Variants in ERC2 observed in about 807,000 individuals in gnomAD.
ERC2 encodes ELKS/RAB6-interacting/CAST family member 2, also known as ERC protein 2.
A neutral mutation model predicts 114.8 loss-of-function variants in ERC2; 42 were observed. That is an observed-to-expected ratio of 0.37 (90% CI 0.29 to 0.47). The LOEUF is 0.47. Among genes scored for constraint, ERC2 ranks in the 20% least tolerant of loss-of-function variants. ERC2 has a pLI of 0.99. For synonymous variants in ERC2, 454 were observed against 425.5 expected, an observed-to-expected ratio of 1.07 and a Z score of -0.82; for missense variants, 939 against 1,150.7, an observed-to-expected ratio of 0.82 and a Z score of 2.66.
In ERC2 at chr3:56,095,285, G is replaced by T. The variant is rs535897662; in HGVS notation, c.1474-14301C>A. Among the ~76,000 whole-genome samples, 74 of 151,954 alleles carry T rather than the reference G, an allele frequency of 4.9e-4. 2 individuals are homozygous for T. The South Asian group carries it at 0.011, about 24-fold the overall frequency. ...AAAAAATTTTAAAAAGAAAATATGG[G>T]GGCCCTTCTTTTTATTCATAGGGTA... is the stretch of plus-strand genomic sequence containing the variant. On this transcript the variant is annotated intron_variant, in intron 6 of 17. Coordinates refer to ENST00000288221, the MANE Select transcript of ERC2 (RefSeq NM_015576.3).
chr3:55,818,746 T>C (rs1391731377), intron 14 of ERC2, among the ~76,000 whole-genome samples: 1 of 152,224 alleles, frequency 6.6e-6, no homozygotes, highest in Non-Finnish European at 1.5e-5. Context: ...CATTCACCAA[T>C]TGTTAGAAAT....
At chr3:55,762,237 T>C (rs1307537050) in intron 14 of ERC2, among the ~76,000 whole-genome samples, 2 of 152,136 alleles carry the variant, frequency 1.3e-5, no homozygotes, top group Non-Finnish European at 2.9e-5. Flanking sequence ...CTGAGTTAAA[T>C]AATCGGATTT....
chr3:56,000,811 CAG>C (rs2071987562), intron 10 of ERC2, among the ~76,000 whole-genome samples: 1 of 151,372 alleles, frequency 6.6e-6, no homozygotes, highest in South Asian at 2.1e-4. Context: ...TCAGCAACTC[CAG>C]AGGCTGAGGC....
At chr3:56,437,482 T>G (rs1304517993) in intron 1 of ERC2, among the ~76,000 whole-genome samples, 1 of 152,240 alleles carries the variant, frequency 6.6e-6, no homozygotes, top group Non-Finnish European at 1.5e-5. Flanking sequence ...TCTATAAATT[T>G]CCTTTTTGCT....
chr3:56,216,209 A>G (rs13094983), intron 3 of ERC2, among the ~76,000 whole-genome samples: 122,125 of 152,146 alleles, frequency 0.8, 50,925 homozygotes, highest in South Asian at 0.95. Flanking sequence ...CCAGGAGCTG[A>G]CTTTTTGAAA....
intron 17 of ERC2, among the ~76,000 whole-genome samples, chr3:55,529,005 C>T (rs9819428): frequency 0.014 from 2,135 of 152,258 alleles, 53 homozygotes; most frequent in African/African-American, 0.048. Flanking sequence ...AGGTTGCAAT[C>T]AAGTATGGGA....
intron 14 of ERC2, among the ~76,000 whole-genome samples, chr3:55,792,569 T>C (rs1228734585): frequency 6.6e-6 from 1 of 152,192 alleles, no homozygotes; most frequent in African/African-American, 2.4e-5. Flanking sequence ...TTCCTTTTGA[T>C]TTCCATTTGT....
chr3:55,761,862 C>T (rs1363013188), intron 14 of ERC2, among the ~76,000 whole-genome samples: 3 of 143,070 alleles, frequency 2.1e-5, no homozygotes, highest in Admixed American at 7.3e-5. Flanking sequence ...GGCGAAGGAG[C>T]GAGACTCCGT....
At chr3:55,979,604 C>T (rs995755219) in intron 12 of ERC2, among the ~76,000 whole-genome samples, 4 of 152,062 alleles carry the variant, frequency 2.6e-5, no homozygotes, top group African/African-American at 7.2e-5. Context: ...CCGTATATGC[C>T]AGTAAGAGAG....
At chr3:56,462,336 C>T (rs115847455) in intron 1 of ERC2, among the ~76,000 whole-genome samples, 1,548 of 152,314 alleles carry the variant, frequency 0.01, 28 homozygotes, top group African/African-American at 0.035. Flanking sequence ...TTTGGGTTCA[C>T]TCAATTCCAT....
chr3:55,849,214 T>C (rs2061479410), intron 14 of ERC2, among the ~76,000 whole-genome samples: 1 of 152,074 alleles, frequency 6.6e-6, no homozygotes, highest in African/African-American at 2.4e-5. Flanking sequence ...CGGACCACCA[T>C]ATGAATCCAG....
chr3:55,606,897 G>T (rs560478647), intron 17 of ERC2: 2 of 152,538 alleles, frequency 1.3e-5, no homozygotes, highest in Non-Finnish European at 1.5e-5. Flanking sequence ...CTAGGCAAAG[G>T]TTGGACAGGT....
At chr3:55,524,392 T>C (rs1163794741) in intron 17 of ERC2, among the ~76,000 whole-genome samples, 1 of 152,036 alleles carries the variant, frequency 6.6e-6, no homozygotes, top group Non-Finnish European at 1.5e-5. Context: ...GCAAATTCCC[T>C]GCCTCCAACC....
intron 16 of ERC2, among the ~76,000 whole-genome samples, chr3:55,687,399 C>G (rs903326796): frequency 1.3e-5 from 2 of 150,946 alleles, no homozygotes; most frequent in African/African-American, 4.9e-5. Flanking sequence ...TTTAAAACAC[C>G]TGAAATTCTC....
At chr3:56,245,218 C>T (rs1024054707) in intron 3 of ERC2, among the ~76,000 whole-genome samples, 2 of 151,148 alleles carry the variant, frequency 1.3e-5, no homozygotes, top group African/African-American at 4.9e-5. Context: ...ATTCTGCTCA[C>T]ATTTTAGGGC....
chr3:55,808,132 C>A (rs929792937), intron 14 of ERC2, among the ~76,000 whole-genome samples: 7 of 152,164 alleles, frequency 4.6e-5, no homozygotes, highest in African/African-American at 1.7e-4. Context: ...CTCCTGGAAA[C>A]TCCCCTCTAA....
intron 2 of ERC2, among the ~76,000 whole-genome samples, chr3:56,339,994 CA>C (rs1469374485): frequency 6.6e-6 from 1 of 152,186 alleles, no homozygotes; most frequent in African/African-American, 2.4e-5. Context: ...GTCAAAATCA[CA>C]ACCCCAAGAT....
intron 17 of ERC2, among the ~76,000 whole-genome samples, chr3:55,521,531 A>T (rs1367886143): frequency 6.6e-6 from 1 of 152,260 alleles, no homozygotes; most frequent in East Asian, 1.9e-4. Flanking sequence ...TGAGTAGCTC[A>T]TCAAGAGGCT....
At chr3:55,649,886 C>A (rs1270326099) in intron 17 of ERC2, among the ~76,000 whole-genome samples, 1 of 152,182 alleles carries the variant, frequency 6.6e-6, no homozygotes, top group Admixed American at 6.5e-5. Context: ...TCTGAAATGT[C>A]TGATGGGGAA....
Sources: gnomAD v4.1 joint callset for allele counts (sites outside exome capture counted in the v4.1 genomes callset) on GRCh38, gnomAD v4.1.1 for gene constraint, MANE v1.5 for transcripts, NCBI Gene and HGNC (gene_info 2026-07-23, HGNC 2026-07-21) for gene names.